STPG2: variants seen among roughly 807,000 people sequenced by gnomAD.
The protein encoded by STPG2 is sperm-tail PG-rich repeat-containing protein 2.
A neutral mutation model predicts 54.2 loss-of-function variants in STPG2; 56 were observed. That is an observed-to-expected ratio of 1.03 (90% CI 0.83 to 1.29). The LOEUF (loss-of-function observed/expected upper bound fraction) is 1.29, where lower values mean the gene tolerates loss of function less well. STPG2 is among the 50% of genes most tolerant of loss of function. The pLI, the probability that STPG2 is intolerant of heterozygous loss-of-function variation, is 0.00. For synonymous variants in STPG2, 200 were observed against 181.8 expected (o/e 1.10, Z -0.81); for missense variants, 596 against 544.9 (o/e 1.09, Z -0.93).
intron 4 of STPG2, among the ~76,000 whole-genome samples, chr4:97,539,928 T>C (rs1289975686): frequency 1.3e-5 from 2 of 152,052 alleles, no homozygotes; most frequent in Non-Finnish European, 2.9e-5. Flanking sequence ...TTGAAACCAA[T>C]GAGAATAAAG....
chr4:98,121,342 C>T (rs933518308), intron 3 of STPG2, among the ~76,000 whole-genome samples: 2 of 151,138 alleles, frequency 1.3e-5, no homozygotes, highest in Non-Finnish European at 2.9e-5. Context: ...TAGTTTTGTT[C>T]TTTTTGCTTA....
chr4:97,840,703 T>C, intron 9 of STPG2, 70 bp downstream of exon 9: 1 of 1,518,710 alleles, frequency 6.6e-7, no homozygotes, highest in African/African-American at 1.4e-5. Context: ...CTATCAATGA[T>C]TCTAGATATT....
At chr4:97,699,258 T>C (rs911929783) in intron 10 of STPG2, among the ~76,000 whole-genome samples, 3 of 152,208 alleles carry the variant, frequency 2.0e-5, no homozygotes, top group Non-Finnish European at 2.9e-5. Context: ...ACTGCCACCA[T>C]GGCCACTTTG....
At chr4:97,632,045 T>C (rs1403237963) in intron 10 of STPG2, among the ~76,000 whole-genome samples, 1 of 152,036 alleles carries the variant, frequency 6.6e-6, no homozygotes, top group Non-Finnish European at 1.5e-5. Context: ...ATTTAGTCTA[T>C]ATTCAAAAGA....
At chr4:97,889,737 T>C (rs961125002) in intron 8 of STPG2, among the ~76,000 whole-genome samples, 1 of 152,132 alleles carries the variant, frequency 6.6e-6, no homozygotes, top group South Asian at 2.1e-4. Context: ...ATTCAGACAG[T>C]AGGAAAAGTC....
At chr4:97,916,370 C>T (rs1301717269) in intron 8 of STPG2, 6 of 152,586 alleles carry the variant, frequency 3.9e-5, no homozygotes, top group Non-Finnish European at 8.8e-5. Context: ...GCAAGAAGCA[C>T]CTTGCCCATG....
chr4:97,537,410 C>T (rs767850987), intron 4 of STPG2, among the ~76,000 whole-genome samples: 6 of 152,220 alleles, frequency 3.9e-5, no homozygotes, highest in South Asian at 2.1e-4. Context: ...CTGTGCAAGG[C>T]TTGGAGGGTC....
At chr4:97,707,609 G>A (rs58724568) in intron 10 of STPG2, among the ~76,000 whole-genome samples, 17,821 of 151,998 alleles carry the variant, frequency 0.12, 3,072 homozygotes, top group African/African-American at 0.38. Context: ...GTATGAAAGA[G>A]TTACCTATGA....
chr4:97,830,583 A>G (rs1158745520), intron 9 of STPG2, among the ~76,000 whole-genome samples: 1 of 152,112 alleles, frequency 6.6e-6, no homozygotes, highest in Non-Finnish European at 1.5e-5. Flanking sequence ...GACTGGAAAA[A>G]TGGATAAAGA....
intron 4 of STPG2, among the ~76,000 whole-genome samples, chr4:97,544,208 A>G (rs1731783096): frequency 6.6e-6 from 1 of 152,166 alleles, no homozygotes; most frequent in Non-Finnish European, 1.5e-5. Context: ...AGTATCTCAG[A>G]ATGCATGATC....
chr4:97,971,492 G>T (rs1054233458), intron 7 of STPG2, among the ~76,000 whole-genome samples: 3 of 152,108 alleles, frequency 2.0e-5, no homozygotes, highest in Non-Finnish European at 2.9e-5. Flanking sequence ...ATGAGTTCAT[G>T]TCCTTTATAT....
chr4:97,836,456 GTA>G (rs1370699708), intron 9 of STPG2, among the ~76,000 whole-genome samples: 1 of 151,782 alleles, frequency 6.6e-6, no homozygotes, highest in Non-Finnish European at 1.5e-5. Context: ...ATAGACTATA[GTA>G]TAGTCTAAAC....
rs768958932 is a variant in STPG2, at chr4:97,840,901, T to C, written c.1076A>G (p.His359Arg). The stretch of plus-strand genomic sequence containing the variant: ...AACTTGGGACATCTCATATGATTTG[T>C]GAACATCATAGCTGCCTGGCGCTGG... Reference protein sequence around the residue: ...VIPAPGSYDVHKSYEMSQVKH... With the variant: ...VIPAPGSYDVRKSYEMSQVKH... Residue 359 changes from histidine (H) to arginine (R), a missense_variant, in exon 9 of 11, where the codon CAC becomes CGC. His to Arg is a conservative substitution (Grantham distance 29). Transcript: ENST00000295268. 4 of 1,611,932 alleles carry C rather than the reference T, an allele frequency of 2.5e-6. No homozygotes were observed. The African/African-American group carries it at 4.0e-5, about 16-fold the overall frequency.
chr4:97,689,646 G>C (rs998000031), intron 10 of STPG2, among the ~76,000 whole-genome samples: 1 of 152,050 alleles, frequency 6.6e-6, no homozygotes. Flanking sequence ...GCACAATAGA[G>C]AGAATGAATG....
chr4:98,055,923 C>T (rs1209537897), intron 5 of STPG2, among the ~76,000 whole-genome samples: 3 of 152,094 alleles, frequency 2.0e-5, no homozygotes, highest in Non-Finnish European at 2.9e-5. Flanking sequence ...GGACCATGCC[C>T]GAACACTGGA....
intron 10 of STPG2, among the ~76,000 whole-genome samples, chr4:97,669,261 C>T (rs1722625303): frequency 6.6e-6 from 1 of 152,046 alleles, no homozygotes; most frequent in African/African-American, 2.4e-5. Flanking sequence ...TAAAGGCCAC[C>T]TGGATGTCGC....
intron 8 of STPG2, among the ~76,000 whole-genome samples, chr4:97,907,455 C>T (rs1403593069): frequency 6.6e-6 from 1 of 151,850 alleles, no homozygotes; most frequent in Non-Finnish European, 1.5e-5. Flanking sequence ...AGGTAATTTA[C>T]AGATTCAATG....
In STPG2 at chr4:98,143,079, T is replaced by C; in HGVS notation, c.72A>G (p.Gly24=). The C allele has an allele frequency of 6.2e-7, 1 of 1,613,818 alleles. No individual in the cohort carries two copies. Among genetic ancestry groups the C allele is most frequent in the Non-Finnish European group, 8.5e-7 (1 of 1,179,862 alleles). Residue 24 remains glycine (G), a synonymous_variant, in exon 1 of 11, where the codon GGA becomes GGG. Coordinates refer to ENST00000295268, the MANE Select transcript of STPG2 (RefSeq NM_174952.3). ...GGSTEAHVGP[G]SYQVPFLKQQ... ...GCTTCAGGAAAGGTACCTGGTAGGA[T>C]CCAGGACCCACATGGGCCTCAGTGC... is the stretch of plus-strand genomic sequence containing the variant.
At chr4:97,467,197 T>C (rs1729807933) in intron 4 of STPG2, among the ~76,000 whole-genome samples, 1 of 151,972 alleles carries the variant, frequency 6.6e-6, no homozygotes, top group Non-Finnish European at 1.5e-5. Context: ...AATCTGAGTA[T>C]ATTTAAAACC....
Sources: gnomAD v4.1 joint callset for allele counts (sites outside exome capture counted in the v4.1 genomes callset) on GRCh38, gnomAD v4.1.1 for gene constraint, MANE v1.5 for transcripts, NCBI Gene and HGNC (gene_info 2026-07-23, HGNC 2026-07-21) for gene names.